Variants in HELQ observed in about 807,000 individuals in gnomAD.
HELQ encodes helicase POLQ-like.
Under a neutral mutation model 111.6 loss-of-function variants are expected in HELQ, and 77 were observed. The observed-to-expected ratio is 0.69, with a 90% CI of 0.57 to 0.83. The LOEUF (loss-of-function observed/expected upper bound fraction) is 0.83, where lower values mean the gene tolerates loss of function less well. Ranked by LOEUF, HELQ falls within the 40% of genes least tolerant of loss-of-function variation. The pLI is 0.00. For synonymous variants in HELQ, 438 were observed against 454.7 expected, an observed-to-expected ratio of 0.96 and a Z score of 0.47; for missense variants, 1,200 against 1,288.5, an observed-to-expected ratio of 0.93 and a Z score of 1.05.
Position 83,407,487 on chromosome 4 carries a change from G to C in HELQ, c.3272C>G (p.Pro1091Arg), listed in dbSNP as rs1560536048. 17 of 1,609,292 alleles carry C rather than the reference G, an allele frequency of 1.1e-5. No homozygotes were observed. The highest frequency in any genetic ancestry group is 1.4e-5 in the Non-Finnish European group (16 of 1,178,390). Residue 1091 changes from proline (P) to arginine (R), a missense_variant, in exon 18 of 18, where the codon CCT (proline) becomes CGT (arginine). Transcript: ENST00000295488. Reference protein sequence around the residue: ...EELLRLPSDFPGAVASSTDKA With the variant: ...EELLRLPSDFRGAVASSTDKA ...GTCAGTGGAAGAAGCCACAGCACCA[G>C]GGAAATCAGAAGGCAATCTTAGTAA...
chr4:83,413,541 G>C (rs1039492214), intron 17 of HELQ, among the ~76,000 whole-genome samples: 1 of 152,182 alleles, frequency 6.6e-6, no homozygotes, highest in Non-Finnish European at 1.5e-5. Context: ...CCAGAGGGCA[G>C]ATTTTAAAGA....
Position 83,453,338 on chromosome 4 carries a change from G to A in HELQ, c.905C>T (p.Ala302Val), listed in dbSNP as rs1721503916. The change falls in exon 2 of 18, where the codon GCT becomes GTT. Residue 302 changes from alanine (A) to valine (V), a missense_variant. Physicochemically the swap from Ala to Val is moderately conservative, Grantham distance 64 (BLOSUM62 0). This residue lies in a region of HELQ where 610 missense variants were observed against 607.1 expected (regional missense o/e 1.00). Transcript: ENST00000295488. ...DTLLSEEINV[A>V]KKTVESSSND... The stretch of plus-strand genomic sequence containing the variant: ...TGATGATGACTCAACTGTTTTCTTA[G>A]CAACATTAATTTCCTCAGATAGGAG... 6.2e-7 allele frequency: 1 copy of A among 1,613,446 alleles called. No individual in the cohort carries two copies.
Position 83,455,705 on chromosome 4 carries a change from A to C in HELQ, c.-12T>G. 1 of 1,598,556 alleles carries C rather than the reference A, an allele frequency of 6.3e-7. No homozygotes were observed. Among genetic ancestry groups the C allele is most frequent in the Admixed American group, 1.7e-5 (1 of 59,880 alleles). On this transcript the variant is annotated 5_prime_UTR_variant, in exon 1 of 18. Transcript: ENST00000295488. ...CCACATTCATCCATGGCAAGGACCC[A>C]GGGCCCTATTCAGACGTCGTTCTCA...
chr4:83,453,614 G>A lies in HELQ; in HGVS notation c.629C>T (p.Ser210Leu). The change falls in exon 2 of 18, where the codon TCA becomes TTA. Residue 210 changes from serine (S) to leucine (L), a missense_variant. By Grantham distance (145) the Ser-to-Leu change is moderately radical (BLOSUM62 -2). Around this residue, in one of 3 missense-constraint regions of HELQ, gnomAD observed 610 missense variants for 607.1 expected, o/e 1.00. Transcript: ENST00000295488. Reference protein sequence around the residue: ...AIYFENLQNSSNDLGDHSMKE... With the variant: ...AIYFENLQNSLNDLGDHSMKE... ...CATAGAATGATCACCCAAATCATTT[G>A]AAGAGTTCTGCAAATTTTCAAAGTA... 4 of 1,612,848 alleles carry A rather than the reference G, an allele frequency of 2.5e-6. No homozygotes were observed. The highest frequency in any genetic ancestry group is 3.4e-6 in the Non-Finnish European group (4 of 1,178,906).
At chr4:83,415,946 C>CT (rs1560539714) in intron 17 of HELQ, among the ~76,000 whole-genome samples, 3 of 135,058 alleles carry the variant, frequency 2.2e-5, no homozygotes, top group Admixed American at 7.2e-5. Context: ...CGAACCCAGC[C>CT]ATTTTTTTTT....
In HELQ at chr4:83,455,662, C is replaced by T. The variant is rs534151403; in HGVS notation, c.32G>A (p.Arg11Gln). The change falls in exon 1 of 18, where the codon CGG becomes CAG. Residue 11 changes from arginine (R) to glutamine (Q), a missense_variant. Coordinates refer to ENST00000295488, the MANE Select transcript of HELQ (RefSeq NM_133636.5). Reference protein sequence around the residue: MDECGSRIRRRVSLPKRNRPS... With the variant: MDECGSRIRRQVSLPKRNRPS... ...ACGGTTCCTTTTGGGGAGAGACACCCGCCGGCGGATGCGGGAACCACATTC... is the reference window on the plus strand; with the variant it reads ...ACGGTTCCTTTTGGGGAGAGACACCTGCCGGCGGATGCGGGAACCACATTC... The T allele has an allele frequency of 6.2e-7, 1 of 1,611,644 alleles. No homozygotes were observed. Among genetic ancestry groups the T allele is most frequent in the Non-Finnish European group, 8.5e-7 (1 of 1,179,962 alleles).
rs2109994390 is a variant in HELQ, at chr4:83,436,462, A to T, written c.2048+396T>A. Among the ~76,000 whole-genome samples, 3 of 152,312 alleles carry T rather than the reference A, an allele frequency of 2.0e-5. No homozygotes were observed. In the South Asian group the frequency reaches 6.2e-4, roughly 32 times the overall value. On this transcript the variant is annotated intron_variant, in intron 9 of 17. Transcript: ENST00000295488. ...TAATCAAGGGCCTGCTTTAAAATAC[A>T]TATATTAGACACAAATTGCCTATGG... is the stretch of plus-strand genomic sequence containing the variant.
chr4:83,433,665 C>CA (rs1175098887), intron 9 of HELQ, among the ~76,000 whole-genome samples: 3,528 of 46,036 alleles, frequency 0.077, 269 homozygotes, highest in African/African-American at 0.18. Flanking sequence ...GACTCCGTCT[C>CA]AAAAAAAAAA....
chr4:83,435,421 T>A lies in HELQ; in HGVS notation c.2048+1437A>T, dbSNP rs1720394832. ...AAAATATGGAACAATATTTACAAAA[T>A]CCCTAAAGGAAAAAAATTGAATCTA... On this transcript the variant is annotated intron_variant, in intron 9 of 17. Coordinates refer to ENST00000295488, the MANE Select transcript of HELQ (RefSeq NM_133636.5). Among the ~76,000 whole-genome samples, 5 of 152,002 alleles carry A rather than the reference T, an allele frequency of 3.3e-5. No individual in the cohort carries two copies. In the South Asian group the frequency reaches 1.0e-3, roughly 32 times the overall value.
intron 8 of HELQ, 122 bp from the exon 9 acceptor site, chr4:83,437,219 G>A: frequency 1.1e-6 from 1 of 918,030 alleles, no homozygotes; most frequent in East Asian, 2.5e-5. Context: ...ATTGAGTTAA[G>A]TACATTAAAT....
intron 5 of HELQ, among the ~76,000 whole-genome samples, chr4:83,444,312 C>T (rs750632551): frequency 6.6e-6 from 1 of 152,148 alleles, no homozygotes; most frequent in African/African-American, 2.4e-5. Flanking sequence ...GGGCTAAATG[C>T]GTCTCGAACT....
intron 14 of HELQ, among the ~76,000 whole-genome samples, chr4:83,424,633 A>T (rs1719746285): frequency 6.6e-6 from 1 of 151,952 alleles, no homozygotes; most frequent in African/African-American, 2.4e-5. Flanking sequence ...ATCTCAGCTT[A>T]CTGCAACCTC....
chr4:83,441,273 GTA>G, intron 7 of HELQ, 30 bp downstream of exon 7: 2 of 1,229,142 alleles, frequency 1.6e-6, no homozygotes, highest in Non-Finnish European at 2.4e-6. Flanking sequence ...ACAAAGTCTG[GTA>G]ACCTGGAATT....
chr4:83,445,788 G>A (rs1721015972), intron 5 of HELQ, among the ~76,000 whole-genome samples: 1 of 152,248 alleles, frequency 6.6e-6, no homozygotes, highest in African/African-American at 2.4e-5. Flanking sequence ...GTTGAGGGAT[G>A]TGCCTGGGCA....
chr4:83,414,889 T>C (rs1045385463), intron 17 of HELQ, among the ~76,000 whole-genome samples: 1 of 152,146 alleles, frequency 6.6e-6, no homozygotes, highest in Non-Finnish European at 1.5e-5. Context: ...TATAACTTCA[T>C]CCCTACCAAC....
intron 8 of HELQ, among the ~76,000 whole-genome samples, chr4:83,438,633 T>G (rs1720588633): frequency 6.6e-6 from 1 of 150,894 alleles, no homozygotes. Flanking sequence ...TCCCAGCTAC[T>G]TGGGAGGCTG....
In HELQ at chr4:83,433,979, C is replaced by CAA. The variant is rs60020544; in HGVS notation, c.2049-1714_2049-1713dup. Among the ~76,000 whole-genome samples, 296 of 63,990 alleles carry CAA rather than the reference C, an allele frequency of 4.6e-3. 2 individuals are homozygous for CAA. The highest frequency in any genetic ancestry group is 0.012 in the African/African-American group (282 of 24,092). 42.0% of individuals were successfully genotyped at this position (63,990 alleles called of 152,430 possible). A position where few individuals can be genotyped will look rare whatever the true frequency, so the allele number is the denominator to read the frequency against. On this transcript the variant is annotated intron_variant, in intron 9 of 17. Transcript: ENST00000295488. ...CTGGAGACAAAGCGAGACTCTGTCT[C>CAA]AAAAAAAAAAAAAAAAGGAGTAGAC...
chr4:83,455,367 T>G, intron 1 of HELQ, 30 bp downstream of exon 1: 2 of 1,599,272 alleles, frequency 1.3e-6, no homozygotes, highest in Non-Finnish European at 1.7e-6. Flanking sequence ...TGCCAAAAGT[T>G]TGCAGTTTCA....
chr4:83,446,760 G>C, intron 4 of HELQ, 75 bp downstream of exon 4: 1 of 879,786 alleles, frequency 1.1e-6, no homozygotes, highest in East Asian at 2.7e-5. Context: ...GTACTAAGTA[G>C]ATCCACACAA....
Sources: allele counts gnomAD v4.1 joint callset (sites outside exome capture counted in the v4.1 genomes callset), GRCh38; gene constraint gnomAD v4.1.1; regional missense constraint gnomAD v4.1.1; transcripts MANE v1.5; gene names NCBI Gene and HGNC (gene_info 2026-07-23, HGNC 2026-07-21).